COG4: variants seen among roughly 807,000 people sequenced by gnomAD.
The protein encoded by COG4 is component of oligomeric golgi complex 4.
In COG4, 65 loss-of-function variants were observed where a neutral mutation model predicts 95.1. That is an observed-to-expected ratio of 0.68 (90% CI 0.56 to 0.84). The LOEUF is 0.84. Among genes scored for constraint, COG4 ranks in the 40% least tolerant of loss-of-function variants. The pLI, the probability that COG4 is intolerant of heterozygous loss-of-function variation, is 0.00. For synonymous variants in COG4, 421 were observed against 374.8 expected (o/e 1.12, Z -1.42); for missense variants, 1,045 against 989.1 (o/e 1.06, Z -0.76).
In COG4 at chr16:70,506,938, A is replaced by C. The variant is rs2049590720; in HGVS notation, c.1061+1468T>G. On this transcript the variant is annotated intron_variant, in intron 8 of 18. Coordinates refer to ENST00000323786, the MANE Select transcript of COG4 (RefSeq NM_015386.3). ...TCAGAAATGAACTGCTGGGCTGGGCATGGTGGCTCATGCCTGTAATCCCAT... is the reference window on the plus strand; with the variant it reads ...TCAGAAATGAACTGCTGGGCTGGGCCTGGTGGCTCATGCCTGTAATCCCAT... Among the ~76,000 whole-genome samples the C allele has an allele frequency of 3.3e-5, 5 of 152,294 alleles. No individual in the cohort carries two copies. In the South Asian group the frequency reaches 1.0e-3, roughly 32 times the overall value.
At chr16:70,503,890 G>A (rs1356887588) in intron 8 of COG4, among the ~76,000 whole-genome samples, 4 of 122,822 alleles carry the variant, frequency 3.3e-5, no homozygotes, top group East Asian at 1.9e-4. Context: ...CACCGCGCCC[G>A]GCCAACTCCT....
At chr16:70,498,351 G>A (rs140169770) in intron 9 of COG4, among the ~76,000 whole-genome samples, 9 of 149,866 alleles carry the variant, frequency 6.0e-5, no homozygotes, top group Non-Finnish European at 8.9e-5. Flanking sequence ...TTTTTGAGAC[G>A]GAGTTTCACT....
intron 15 of COG4, 153 bp from the exon 16 acceptor site, chr16:70,482,328 G>T: frequency 2.8e-6 from 2 of 705,188 alleles, no homozygotes; most frequent in Non-Finnish European, 5.1e-6. Context: ...CAGACACCCA[G>T]GCTGGCAGAA....
At chr16:70,498,964 C>G (rs1435097910) in intron 9 of COG4, among the ~76,000 whole-genome samples, 1 of 152,136 alleles carries the variant, frequency 6.6e-6, no homozygotes. Context: ...CCTGTAATCC[C>G]AGCACTTTGG....
chr16:70,491,663 A>C (rs1274010498), intron 12 of COG4, among the ~76,000 whole-genome samples: 2 of 150,678 alleles, frequency 1.3e-5, no homozygotes, highest in Non-Finnish European at 3.0e-5. Flanking sequence ...TCTCTACTAA[A>C]AATACAAAAA....
intron 8 of COG4, among the ~76,000 whole-genome samples, chr16:70,504,539 G>A (rs1287880424): frequency 2.0e-5 from 3 of 151,054 alleles, no homozygotes; most frequent in African/African-American, 4.9e-5. Flanking sequence ...CCTGGGAGGC[G>A]GAGATTGCAG....
rs577836048 is a variant in COG4, at chr16:70,489,466, C to T, written c.1710+864G>A. Among the ~76,000 whole-genome samples, 3 of 151,750 alleles carry T rather than the reference C, an allele frequency of 2.0e-5. No individual in the cohort carries two copies. In the East Asian group the frequency reaches 5.8e-4, roughly 29 times the overall value. On this transcript the variant is annotated intron_variant, in intron 13 of 18. Transcript: ENST00000323786. ...AGTCCTGACCTCATGATCCACCCGC[C>T]TCAGCCTCCCAAAGTGTTAGGATTA...
intron 16 of COG4, 111 bp from the exon 17 acceptor site, chr16:70,481,976 G>T: frequency 2.2e-6 from 3 of 1,338,404 alleles, no homozygotes; most frequent in Non-Finnish European, 3.2e-6. Flanking sequence ...GTTTCTACAG[G>T]TGAGGGTTGG....
rs1219077562 is a variant in COG4 at position 70,486,982 on chromosome 16, C to T, written c.1711-3013G>A. ...TGCACTCCAGCCTGGGCAACAAGAGCGAAACTTCATCTCAAAAAAAAAAAA... is the reference window on the plus strand; with the variant it reads ...TGCACTCCAGCCTGGGCAACAAGAGTGAAACTTCATCTCAAAAAAAAAAAA... On this transcript the variant is annotated intron_variant, in intron 13 of 18. Transcript: ENST00000323786. 1.3e-4 allele frequency among the ~76,000 whole-genome samples: 18 copies of T among 136,874 alleles called. 1 individual carries two copies. The highest frequency in any genetic ancestry group is 2.2e-4 in the East Asian group (1 of 4,544). The allele number at this position is 136,874 out of a possible 152,430, so 89.8% of individuals were successfully genotyped here. A position where few individuals can be genotyped will look rare whatever the true frequency, so the allele number is the denominator to read the frequency against.
intron 1 of COG4, among the ~76,000 whole-genome samples, chr16:70,520,664 AC>A (rs2049923619): frequency 6.6e-6 from 1 of 152,012 alleles, no homozygotes; most frequent in South Asian, 2.1e-4. Context: ...CAATGCCTAA[AC>A]AAAAAACACC....
chr16:70,508,636 G>T (rs919709369), intron 7 of COG4, 172 bp from the exon 8 acceptor site: 2 of 700,478 alleles, frequency 2.9e-6, no homozygotes, highest in East Asian at 2.7e-5. Context: ...CCAAAGATTT[G>T]TTTTTGGGTT....
chr16:70,520,942 CA>C (rs1222754845), intron 1 of COG4, among the ~76,000 whole-genome samples: 6 of 152,184 alleles, frequency 3.9e-5, no homozygotes, highest in African/African-American at 1.2e-4. Flanking sequence ...AGTTCAACAA[CA>C]GCCATTAAAA....
At position 70,480,795 on chromosome 16, in the gene COG4, C is replaced by A; in HGVS notation, c.*215G>T. ...CCCACCTCATTAGGAGCCCGCTTCT[C>A]TCGGTGGGGAGATGCTGCCCCCAGA... is the stretch of plus-strand genomic sequence containing the variant. On this transcript the variant is annotated 3_prime_UTR_variant, in exon 19 of 19. Transcript: ENST00000323786. 1.7e-6 allele frequency: 1 copy of A among 595,646 alleles called. No individual in the cohort carries two copies. The highest frequency in any genetic ancestry group is 3.0e-5 in the Admixed American group (1 of 33,308). 36.9% of individuals were successfully genotyped at this position (595,646 alleles called of 1,614,324 possible).
Position 70,510,032 on chromosome 16 carries a change from A to G in COG4, c.739-11T>C. 3 of 1,608,912 alleles carry G rather than the reference A, an allele frequency of 1.9e-6. No homozygotes were observed. Among genetic ancestry groups the G allele is most frequent in the Non-Finnish European group, 2.6e-6 (3 of 1,175,344 alleles). ...AGCTTTACTGGCCACCTAAAAAAGG[A>G]GAAAACCCACACACATTCCTCAGAA... On this transcript the variant is annotated splice_polypyrimidine_tract_variant and intron_variant, in intron 5 of 18. Coordinates refer to ENST00000323786, the MANE Select transcript of COG4 (RefSeq NM_015386.3).
chr16:70,482,325 C>A, intron 15 of COG4, 150 bp from the exon 16 acceptor site: 2 of 707,110 alleles, frequency 2.8e-6, no homozygotes, highest in Non-Finnish European at 5.1e-6. Context: ...GCTCAGACAC[C>A]CAGGCTGGCA....
chr16:70,486,579 T>C (rs1302076073), intron 13 of COG4, among the ~76,000 whole-genome samples: 1 of 152,216 alleles, frequency 6.6e-6, no homozygotes, highest in East Asian at 1.9e-4. Context: ...TTCAGCTATT[T>C]TACTTGGCTA....
rs878980006 is a variant in COG4, at chr16:70,512,318, T to C, written c.659A>G (p.Glu220Gly). The change falls in exon 5 of 19, where the codon GAG becomes GGG. Residue 220 changes from glutamate (E) to glycine (G), a missense_variant. Transcript: ENST00000323786. ...CAGTGGGAAGATCTTGAAGAAGCGC[T>C]CCACCTGGGGCAGATCACCTTCCTT... ...ATKEGDLPQV[E>G]RFFKIFPLLG... 2 of 1,614,134 alleles carry C rather than the reference T, an allele frequency of 1.2e-6. No individual in the cohort carries two copies. The highest frequency in any genetic ancestry group is 2.2e-5 in the South Asian group (2 of 91,078).
intron 6 of COG4, among the ~76,000 whole-genome samples, chr16:70,509,687 C>A (rs534559506): frequency 6.6e-6 from 1 of 152,140 alleles, no homozygotes; most frequent in Non-Finnish European, 1.5e-5. Context: ...TAAATTTATT[C>A]GTACAGAGTT....
intron 5 of COG4, among the ~76,000 whole-genome samples, chr16:70,511,932 C>CA (rs550101410): frequency 9.5e-4 from 128 of 134,738 alleles, no homozygotes; most frequent in South Asian, 4.2e-3. Context: ...AACTCCATCT[C>CA]AAAAAAAAAA....
Sources: allele counts gnomAD v4.1 joint callset (sites outside exome capture counted in the v4.1 genomes callset), GRCh38; gene constraint gnomAD v4.1.1; transcripts MANE v1.5; gene names NCBI Gene and HGNC (gene_info 2026-07-23, HGNC 2026-07-21).